SLC22A12: variants seen among roughly 807,000 people sequenced by gnomAD.
SLC22A12 encodes the protein solute carrier family 22 member 12.
In SLC22A12, 56 loss-of-function variants were observed where a neutral mutation model predicts 52.7. That is an observed-to-expected ratio of 1.06 (90% confidence interval 0.86 to 1.33). The LOEUF is 1.33. Among genes scored for constraint, SLC22A12 ranks in the 40% most tolerant of loss-of-function variants. The pLI is 0.00. For synonymous variants in SLC22A12, 337 were observed against 324.6 expected (o/e 1.04, Z -0.41); for missense variants, 683 against 741.5 (o/e 0.92, Z 0.92).
chr11:64,593,008 G>A (rs1057278592), intron 2 of SLC22A12, 126 bp downstream of exon 2: 9 of 854,420 alleles, frequency 1.1e-5, no homozygotes, highest in African/African-American at 6.6e-5. Flanking sequence ...CTTGCTGGGT[G>A]TGGGTCTCGG....
At chr11:64,592,977 C>A (rs2038970252) in intron 2 of SLC22A12, 95 bp downstream of exon 2, 4 of 1,205,650 alleles carry the variant, frequency 3.3e-6, no homozygotes, top group Non-Finnish European at 4.8e-6. Context: ...CCTCACAAAA[C>A]CAAGTCTAGA....
intron 4 of SLC22A12, among the ~76,000 whole-genome samples, chr11:64,598,051 G>A (rs560329981): frequency 9.9e-5 from 15 of 152,264 alleles, no homozygotes; most frequent in African/African-American, 3.6e-4. Flanking sequence ...GGGGTGGACA[G>A]GAAGGCCATG....
intron 4 of SLC22A12, among the ~76,000 whole-genome samples, chr11:64,596,617 C>T (rs2039254740): frequency 6.6e-6 from 1 of 152,184 alleles, no homozygotes; most frequent in Non-Finnish European, 1.5e-5. Flanking sequence ...AAGAAGAAGG[C>T]TGAGTCCACA....
At position 64,592,788 on chromosome 11, in the gene SLC22A12, G is replaced by A. The variant is rs149722479; in HGVS notation, c.412G>A (p.Val138Met). The A allele has an allele frequency of 3.0e-5, 48 of 1,613,438 alleles. No individual in the cohort carries two copies. The highest frequency in any genetic ancestry group is 2.0e-4 in the East Asian group (9 of 44,878). ...TSTIVAKWNL[V>M]CDSHALKPMA... ...CCTCCTCTCCCATCAGTGGAACCTC[G>A]TGTGTGACTCTCATGCTCTGAAGCC... The change falls in exon 2 of 10, where the codon GTG (valine) becomes ATG (methionine). Residue 138 changes from valine (V) to methionine (M), a missense_variant. Coordinates refer to ENST00000377574, the MANE Select transcript of SLC22A12 (RefSeq NM_144585.4).
intron 4 of SLC22A12, among the ~76,000 whole-genome samples, chr11:64,597,665 C>T (rs1160747299): frequency 1.3e-5 from 2 of 152,238 alleles, no homozygotes; most frequent in African/African-American, 4.8e-5. Context: ...CAGGTGGCCC[C>T]ACCCTGGCTG....
intron 7 of SLC22A12, 43 bp downstream of exon 7, chr11:64,599,933 G>T: frequency 6.3e-7 from 1 of 1,584,664 alleles, no homozygotes; most frequent in Non-Finnish European, 8.6e-7. Context: ...CCTACCTTGG[G>T]GGGGTCTCGG....
Position 64,591,541 on chromosome 11 carries a change from C to T in SLC22A12, c.-16C>T. On this transcript the variant is annotated 5_prime_UTR_variant, in exon 1 of 10. Transcript: ENST00000377574. The stretch of plus-strand genomic sequence containing the variant: ...TGTGAAGTGGGCCCCTCTTCTGGGC[C>T]CCTTGAGTAGGTTCCATGGCATTTT... 6.2e-7 allele frequency: 1 copy of T among 1,609,998 alleles called. No homozygotes were observed. The highest frequency in any genetic ancestry group is 8.5e-7 in the Non-Finnish European group (1 of 1,180,018).
intron 4 of SLC22A12, 138 bp downstream of exon 4, chr11:64,593,941 C>T (rs1460655957): frequency 9.9e-6 from 13 of 1,313,980 alleles, no homozygotes; most frequent in East Asian, 5.0e-5. Flanking sequence ...AAGCCAGGAG[C>T]GTGGCAGAGT....
intron 4 of SLC22A12, 142 bp downstream of exon 4, chr11:64,593,945 G>A (rs2039005077): frequency 3.9e-6 from 5 of 1,296,202 alleles, no homozygotes; most frequent in Non-Finnish European, 5.4e-6. Flanking sequence ...CAGGAGCGTG[G>A]CAGAGTGTAC....
chr11:64,596,226 CATGGATGGATGGATGGATGGAATGGATGG>C (rs1314067251), intron 4 of SLC22A12, among the ~76,000 whole-genome samples: 8 of 22,222 alleles, frequency 3.6e-4, no homozygotes, highest in African/African-American at 1.3e-3. Flanking sequence ...TGGATGGATG[CATGGATGGATGGATGGATGGAATGGATGG>C]ATGGATGGAT....
intron 4 of SLC22A12, among the ~76,000 whole-genome samples, chr11:64,594,745 T>TGGA (rs2039042165): frequency 8.5e-6 from 1 of 118,130 alleles, no homozygotes; most frequent in Non-Finnish European, 1.7e-5. Flanking sequence ...GGACGGACGG[T>TGGA]TGGATGGATG....
In SLC22A12 at chr11:64,598,581, T is replaced by C. The variant is rs2135464702; in HGVS notation, c.896T>C (p.Leu299Pro). 6.2e-7 allele frequency: 1 copy of C among 1,608,382 alleles called. No homozygotes were observed. The change falls in exon 5 of 10, where the codon CTG becomes CCG. Residue 299 changes from leucine (L) to proline (P), a missense_variant. By Grantham distance (98) the Leu-to-Pro change is moderately conservative (BLOSUM62 -3). Coordinates refer to ENST00000377574, the MANE Select transcript of SLC22A12 (RefSeq NM_144585.4). ...AGGCTGGATTGGGGCCTGCAGGAGC[T>C]GTGGAGGGTGGCTGCCATCAACGGA... is the stretch of plus-strand genomic sequence containing the variant. ...TGRLDWGLQE[L>P]WRVAAINGKG...
chr11:64,598,732 C>T (rs2039336920), intron 5 of SLC22A12, 76 bp from the exon 6 acceptor site: 1 of 1,605,972 alleles, frequency 6.2e-7, no homozygotes, highest in Non-Finnish European at 8.5e-7. Context: ...ACCTCAGCTC[C>T]CTGGGAAGAA....
At chr11:64,599,999 G>A in intron 7 of SLC22A12, 109 bp downstream of exon 7, 1 of 1,373,128 alleles carries the variant, frequency 7.3e-7, no homozygotes, top group African/African-American at 1.4e-5. Context: ...ACCCTGGTAG[G>A]AAGGAGGCTG....
At chr11:64,599,941 C>T (rs1225028851) in intron 7 of SLC22A12, 51 bp downstream of exon 7, 2 of 1,575,064 alleles carry the variant, frequency 1.3e-6, no homozygotes, top group Admixed American at 1.8e-5. Flanking sequence ...GGGGGGGTCT[C>T]GGGCTGGGAA....
intron 4 of SLC22A12, among the ~76,000 whole-genome samples, chr11:64,597,386 C>T (rs1226543683): frequency 6.6e-6 from 1 of 152,156 alleles, no homozygotes; most frequent in African/African-American, 2.4e-5. Context: ...CTCCAACTGC[C>T]CACGTGACGG....
intron 9 of SLC22A12, 130 bp downstream of exon 9, chr11:64,601,068 G>C: frequency 1.7e-6 from 2 of 1,210,388 alleles, no homozygotes; most frequent in Admixed American, 3.9e-5. Context: ...GATTGGCCCA[G>C]AGTCACACAG....
chr11:64,596,087 TGAATGGATGGATGGATG>T (rs1304800021), intron 4 of SLC22A12, among the ~76,000 whole-genome samples: 2 of 147,708 alleles, frequency 1.4e-5, no homozygotes, highest in Admixed American at 6.8e-5. Context: ...GTTTGATGGT[TGAATGGATGGATGGATG>T]GAATGGATGG....
intron 4 of SLC22A12, among the ~76,000 whole-genome samples, chr11:64,596,008 T>TG (rs1333125351): frequency 7.5e-6 from 1 of 132,920 alleles, no homozygotes; most frequent in Non-Finnish European, 1.6e-5. Context: ...GATGGATGGA[T>TG]GGATGGATGG....
Sources: allele counts gnomAD v4.1 joint callset (sites outside exome capture counted in the v4.1 genomes callset), GRCh38; gene constraint gnomAD v4.1.1; transcripts MANE v1.5; gene names NCBI Gene and HGNC (gene_info 2026-07-23, HGNC 2026-07-21).